KDM4C: variants seen among roughly 807,000 people sequenced by gnomAD.
The protein encoded by KDM4C is lysine demethylase 4C, also known as lysine-specific demethylase 4C.
KDM4C carries 81 observed loss-of-function variants against 129.3 expected under a neutral mutation model. The ratio of observed to expected loss-of-function variants is 0.63; its 90% confidence interval spans 0.52 to 0.75. The LOEUF (loss-of-function observed/expected upper bound fraction) is 0.75, where lower values mean the gene tolerates loss of function less well. Among genes scored for constraint, KDM4C ranks in the 30% least tolerant of loss-of-function variants. KDM4C has a pLI of 0.00. For missense variants in KDM4C, 1,457 were observed against 1,304.0 expected (o/e 1.12, Z -1.81); for synonymous variants, 573 against 456.1 (o/e 1.26, Z -3.26).
intron 5 of KDM4C, among the ~76,000 whole-genome samples, chr9:6,850,830 C>G (rs968715973): frequency 6.6e-6 from 1 of 152,222 alleles, no homozygotes; most frequent in Non-Finnish European, 1.5e-5. Context: ...TCTCGGCTCA[C>G]TGCAACCTCC....
chr9:6,995,352 GACACAC>G (rs143193271), intron 12 of KDM4C, among the ~76,000 whole-genome samples: 10 of 150,920 alleles, frequency 6.6e-5, no homozygotes, highest in African/African-American at 2.2e-4. Flanking sequence ...CACAGGCACA[GACACAC>G]ACACACACAC....
At chr9:6,956,311 T>C (rs1451362529) in intron 8 of KDM4C, among the ~76,000 whole-genome samples, 2 of 152,212 alleles carry the variant, frequency 1.3e-5, no homozygotes, top group African/African-American at 2.4e-5. Flanking sequence ...CCATTCCCCA[T>C]GATGTGCTTA....
chr9:7,162,741 A>G (rs1322605822), intron 19 of KDM4C, among the ~76,000 whole-genome samples: 1 of 152,112 alleles, frequency 6.6e-6, no homozygotes, highest in African/African-American at 2.4e-5. Flanking sequence ...GACCTAAATG[A>G]TAAAGAAGGG....
intron 19 of KDM4C, among the ~76,000 whole-genome samples, chr9:7,141,278 A>C (rs1841714962): frequency 6.6e-6 from 1 of 152,114 alleles, no homozygotes; most frequent in African/African-American, 2.4e-5. Context: ...TCCCATTATC[A>C]CTAGAGAGAA....
At chr9:7,080,570 A>G (rs1438325210) in intron 17 of KDM4C, among the ~76,000 whole-genome samples, 1 of 152,232 alleles carries the variant, frequency 6.6e-6, no homozygotes, top group Non-Finnish European at 1.5e-5. Context: ...ACTTTTTCAG[A>G]TAAAAAACAA....
chr9:6,753,868 C>CT (rs869158656), upstream of KDM4C, among the ~76,000 whole-genome samples: 7,560 of 80,462 alleles, frequency 0.094, 620 homozygotes, highest in Non-Finnish European at 0.13. Flanking sequence ...TCATTGAATT[C>CT]TTTTTTTTTT....
At chr9:7,040,811 T>C (rs1288249931) in intron 15 of KDM4C, among the ~76,000 whole-genome samples, 3 of 152,068 alleles carry the variant, frequency 2.0e-5, no homozygotes, top group South Asian at 4.1e-4. Context: ...TTTTAAGATA[T>C]GTTCTTTTTA....
chr9:7,139,902 G>C (rs1484130743), intron 19 of KDM4C, among the ~76,000 whole-genome samples: 1 of 152,120 alleles, frequency 6.6e-6, no homozygotes, highest in Non-Finnish European at 1.5e-5. Context: ...AAGTTTTAGA[G>C]CAAGAGTTAA....
chr9:7,059,513 A>G (rs1444308718), intron 17 of KDM4C, among the ~76,000 whole-genome samples: 1 of 152,246 alleles, frequency 6.6e-6, no homozygotes, highest in Admixed American at 6.5e-5. Flanking sequence ...ACTGCAGTAC[A>G]TGGTATGAAA....
At position 7,063,164 on chromosome 9, in the gene KDM4C, C is replaced by T. The variant is rs571691307; in HGVS notation, c.2424+13964C>T. On this transcript the variant is annotated intron_variant, in intron 17 of 21. Coordinates refer to ENST00000381309, the MANE Select transcript of KDM4C (RefSeq NM_015061.6). Reference sequence around the variant, plus strand: ...TATCATAACCATGAGATTTTGGTACCGTATGTAAGAGATAGTTTTGGGGAC... The same window carrying T: ...TATCATAACCATGAGATTTTGGTACTGTATGTAAGAGATAGTTTTGGGGAC... 4.3e-4 allele frequency among the ~76,000 whole-genome samples: 66 copies of T among 151,988 alleles called. 1 individual carries two copies. In the South Asian group the frequency reaches 0.011, roughly 26 times the overall value.
At chr9:6,967,919 C>G (rs1347259760) in intron 8 of KDM4C, among the ~76,000 whole-genome samples, 1 of 152,042 alleles carries the variant, frequency 6.6e-6, no homozygotes, top group Non-Finnish European at 1.5e-5. Context: ...TTCTTTGATT[C>G]CAACATTAGT....
intron 18 of KDM4C, among the ~76,000 whole-genome samples, chr9:7,118,277 G>A (rs991706223): frequency 1.3e-5 from 2 of 152,164 alleles, no homozygotes; most frequent in African/African-American, 2.4e-5. Context: ...AAAAGTACAC[G>A]TGAACATACA....
intron 1 of KDM4C, among the ~76,000 whole-genome samples, chr9:6,777,413 G>A (rs1823315471): frequency 6.6e-6 from 1 of 152,210 alleles, no homozygotes; most frequent in African/African-American, 2.4e-5. Flanking sequence ...GTTAAGTCAT[G>A]CAAAGAGTCT....
Position 6,909,033 on chromosome 9 carries a change from C to A in KDM4C, c.921+15801C>A, listed in dbSNP as rs550730173. On this transcript the variant is annotated intron_variant, in intron 8 of 21. Transcript: ENST00000381309. ...GTGACAGTTACCATGAGTGCATTCTCCCATTTTTGTTTACCAGATCTGCCC... is the reference window on the plus strand; with the variant it reads ...GTGACAGTTACCATGAGTGCATTCTACCATTTTTGTTTACCAGATCTGCCC... Among the ~76,000 whole-genome samples the A allele has an allele frequency of 5.3e-5, 8 of 152,290 alleles. 1 individual carries two copies. Among genetic ancestry groups the A allele is most frequent in the Admixed American group, 2.0e-4 (3 of 15,292 alleles).
At chr9:6,821,261 A>G (rs1033067964) in intron 4 of KDM4C, among the ~76,000 whole-genome samples, 2 of 152,160 alleles carry the variant, frequency 1.3e-5, no homozygotes, top group African/African-American at 4.8e-5. Flanking sequence ...GGGTCAAATG[A>G]TAATTCTAGT....
chr9:7,083,996 T>C (rs1049686848), intron 17 of KDM4C, among the ~76,000 whole-genome samples: 1 of 152,290 alleles, frequency 6.6e-6, no homozygotes, highest in Admixed American at 6.5e-5. Flanking sequence ...CAAATTATCA[T>C]CTTTGGATCC....
At chr9:7,128,013 T>C in intron 18 of KDM4C, 53 bp from the exon 19 acceptor site, 1 of 1,316,294 alleles carries the variant, frequency 7.6e-7, no homozygotes, top group Non-Finnish European at 9.9e-7. Context: ...TTACGTCCTT[T>C]CTTTTCCTGT....
chr9:6,881,003 G>T lies in KDM4C; in HGVS notation c.679+942G>T, dbSNP rs116466393. The stretch of plus-strand genomic sequence containing the variant: ...AGCAAGGCCTTCTGCCTTTATCCAG[G>T]ATTGAGTCCTCAGTGAGCAGTGCTC... On this transcript the variant is annotated intron_variant, in intron 6 of 21. Transcript: ENST00000381309. 8.1e-3 allele frequency among the ~76,000 whole-genome samples: 1,236 copies of T among 152,304 alleles called. 13 individuals are homozygous for T. The highest frequency in any genetic ancestry group is 0.028 in the African/African-American group (1,175 of 41,562).
chr9:7,093,902 G>A (rs1428855987), intron 17 of KDM4C, among the ~76,000 whole-genome samples: 2 of 152,194 alleles, frequency 1.3e-5, no homozygotes, highest in Non-Finnish European at 2.9e-5. Context: ...GAAGAGGCAC[G>A]ACTGTCTTTA....
Sources: allele counts gnomAD v4.1 joint callset (sites outside exome capture counted in the v4.1 genomes callset), GRCh38; gene constraint gnomAD v4.1.1; transcripts MANE v1.5; gene names NCBI Gene and HGNC (gene_info 2026-07-23, HGNC 2026-07-21).